The following CEP350 variants were observed in gnomAD, a reference collection of about 807,000 sequenced individuals.
The protein encoded by CEP350 is centrosomal protein 350.
Under a neutral mutation model 331.8 loss-of-function variants are expected in CEP350, and 126 were observed. The observed-to-expected ratio is 0.38, with a 90% CI of 0.33 to 0.44. CEP350 has a LOEUF of 0.44. CEP350 is among the 20% of genes least tolerant of loss of function. The probability of loss-of-function intolerance (pLI) is 1.00; values close to 1 mark genes in which losing one functional copy is unlikely to be tolerated. For missense variants in CEP350, 3,406 were observed against 3,634.6 expected, an observed-to-expected ratio of 0.94 and a Z score of 1.62; for synonymous variants, 1,200 against 1,259.5, an observed-to-expected ratio of 0.95 and a Z score of 1.00.
intron 1 of CEP350, 50 bp downstream of exon 1, chr1:179,955,192 A>C (rs1650073326): frequency 1.5e-6 from 2 of 1,296,500 alleles, no homozygotes; most frequent in Non-Finnish European, 2.0e-6. Flanking sequence ...GCTCAGCCTC[A>C]ACTGTCTCTG....
At position 180,094,252 on chromosome 1, in the gene CEP350, G is replaced by T; in HGVS notation, c.8147G>T (p.Cys2716Phe). Residue 2716 changes from cysteine to phenylalanine, a missense_variant, in exon 34 of 38, where the codon TGT (cysteine) becomes TTT (phenylalanine). By Grantham distance (205) the Cys-to-Phe change is radical. Coordinates refer to ENST00000367607, the MANE Select transcript of CEP350 (RefSeq NM_014810.5). ...NLYAEASEKL[C>F]TPLLDLLTRE... is the part of the protein sequence containing the mutation. ...TATGCTGAAGCTTCAGAAAAGCTTT[G>T]TACACCACTTCTGGATCTTTTAACA... The T allele has an allele frequency of 2.5e-6, 4 of 1,613,254 alleles. No individual in the cohort carries two copies. The Middle Eastern group carries it at 6.6e-4, about 266-fold the overall frequency.
At chr1:180,099,076 ATTCT>A in intron 37 of CEP350, 91 bp downstream of exon 37, 1 of 1,272,342 alleles carries the variant, frequency 7.9e-7, no homozygotes, top group Non-Finnish European at 1.1e-6. Flanking sequence ...GGATAGACTT[ATTCT>A]TAAATCTATG....
chr1:179,987,472 A>G (rs540126256), intron 3 of CEP350, among the ~76,000 whole-genome samples, 186 bp downstream of exon 3: 107 of 147,910 alleles, frequency 7.2e-4, no homozygotes, highest in African/African-American at 2.5e-3. Flanking sequence ...TATACTATAT[A>G]CAGTATATAC....
At chr1:180,099,144 A>C (rs1660651961) in intron 37 of CEP350, among the ~76,000 whole-genome samples, 159 bp downstream of exon 37, 1 of 152,204 alleles carries the variant, frequency 6.6e-6, no homozygotes, top group African/African-American at 2.4e-5. Flanking sequence ...CAGTTTTGTT[A>C]ACTATTTTCT....
At chr1:180,086,663 T>G (rs1423009870) in intron 31 of CEP350, among the ~76,000 whole-genome samples, 2 of 152,144 alleles carry the variant, frequency 1.3e-5, no homozygotes, top group African/African-American at 4.8e-5. Flanking sequence ...ATCTTAGTAG[T>G]CATAGTCCTC....
At chr1:180,011,014 C>G (rs1654618583) in intron 8 of CEP350, among the ~76,000 whole-genome samples, 1 of 151,626 alleles carries the variant, frequency 6.6e-6, no homozygotes, top group Non-Finnish European at 1.5e-5. Context: ...TTTTAAGTCA[C>G]TGTCTATTTT....
rs1377874411 is a variant in CEP350 at position 180,020,696 on chromosome 1, T to C, written c.2922T>C (p.Ser974=). ...GTTCTCAAGACAAAGCCAAAATATC[T>C]CTTGGTTCCAGCATAGATTCAGTCA... The part of the protein sequence containing the change: ...QACSQDKAKI[S]LGSSIDSVSE... Residue 974 remains serine, a synonymous_variant, in exon 12 of 38, where the codon TCT becomes TCC. Transcript: ENST00000367607. The C allele has an allele frequency of 2.5e-6, 4 of 1,613,842 alleles. No individual in the cohort carries two copies. In the South Asian group the frequency reaches 4.4e-5, roughly 18 times the overall value.
At chr1:180,015,297 G>A (rs995760998) in intron 10 of CEP350, among the ~76,000 whole-genome samples, 3 of 151,836 alleles carry the variant, frequency 2.0e-5, no homozygotes, top group Non-Finnish European at 2.9e-5. Context: ...GCAGTGGCGC[G>A]ATCTCGGCTC....
intron 21 of CEP350, among the ~76,000 whole-genome samples, chr1:180,048,130 T>C (rs1387020000): frequency 6.6e-6 from 1 of 152,214 alleles, no homozygotes; most frequent in Non-Finnish European, 1.5e-5. Flanking sequence ...ATTCAAAGTA[T>C]AGATTAAGCT....
chr1:180,001,564 G>A (rs1022837091), intron 6 of CEP350, among the ~76,000 whole-genome samples: 15 of 152,050 alleles, frequency 9.9e-5, no homozygotes, highest in Non-Finnish European at 1.0e-4. Context: ...CGGCCAAAGA[G>A]TAGGGATAAA....
At chr1:180,074,925 C>A in intron 27 of CEP350, 97 bp from the exon 28 acceptor site, 1 of 1,064,322 alleles carries the variant, frequency 9.4e-7, no homozygotes, top group Non-Finnish European at 1.3e-6. Context: ...TCTGCTTTTG[C>A]ACAGCTTGTT....
chr1:179,959,629 C>A (rs1396360871), intron 1 of CEP350, among the ~76,000 whole-genome samples: 1 of 152,032 alleles, frequency 6.6e-6, no homozygotes, highest in Non-Finnish European at 1.5e-5. Flanking sequence ...TGGCAGGCTC[C>A]TATAATCCCA....
chr1:180,024,271 TG>T, intron 13 of CEP350, 147 bp from the exon 14 acceptor site: 1 of 619,222 alleles, frequency 1.6e-6, no homozygotes, highest in Non-Finnish European at 2.5e-6. Context: ...TCCAGGCTTA[TG>T]GTGGTTAAAA....
chr1:180,000,938 TC>T (rs1653825967), intron 6 of CEP350: 1 of 152,224 alleles, frequency 6.6e-6, no homozygotes, highest in Non-Finnish European at 1.5e-5. Flanking sequence ...AATGGTGTGT[TC>T]CTTGCCACAA....
chr1:179,974,270 CAG>C (rs1651680736), intron 1 of CEP350, among the ~76,000 whole-genome samples: 1 of 152,074 alleles, frequency 6.6e-6, no homozygotes, highest in Non-Finnish European at 1.5e-5. Flanking sequence ...TTAGTAGAGA[CAG>C]AGTTTCACCA....
chr1:179,971,116 C>T (rs1372724671), intron 1 of CEP350, among the ~76,000 whole-genome samples: 1 of 151,280 alleles, frequency 6.6e-6, no homozygotes, highest in Non-Finnish European at 1.5e-5. Flanking sequence ...GCAACCTCTG[C>T]CTCCCGGGTT....
intron 37 of CEP350, among the ~76,000 whole-genome samples, chr1:180,103,187 A>AT (rs1220088472): frequency 6.6e-6 from 1 of 152,112 alleles, no homozygotes; most frequent in East Asian, 1.9e-4. Flanking sequence ...ATGCAAATAG[A>AT]TTTTCTACTT....
chr1:180,062,503 C>T (rs901443344), intron 26 of CEP350, 137 bp downstream of exon 26: 169 of 1,163,176 alleles, frequency 1.5e-4, no homozygotes, highest in Non-Finnish European at 1.8e-4. Context: ...TATGGATGGG[C>T]CAGTCTTAGT....
chr1:180,043,969 T>A, intron 20 of CEP350, 82 bp from the exon 21 acceptor site: 1 of 968,948 alleles, frequency 1.0e-6, no homozygotes, highest in East Asian at 2.7e-5. Context: ...AGATTTTATC[T>A]CATATTACTA....
Sources: gnomAD v4.1 joint callset for allele counts (sites outside exome capture counted in the v4.1 genomes callset) on GRCh38, gnomAD v4.1.1 for gene constraint, MANE v1.5 for transcripts, NCBI Gene and HGNC (gene_info 2026-07-23, HGNC 2026-07-21) for gene names.